Variants in CNTNAP3B observed in about 807,000 individuals in gnomAD.
CNTNAP3B encodes contactin associated protein family member 3B.
Under a neutral mutation model 108.9 loss-of-function variants are expected in CNTNAP3B, and 25 were observed. That is an observed-to-expected ratio of 0.23 (90% CI 0.17 to 0.32). CNTNAP3B has a LOEUF of 0.32. CNTNAP3B is among the 10% of genes least tolerant of loss of function. The probability of loss-of-function intolerance (pLI) is 1.00; values close to 1 mark genes in which losing one functional copy is unlikely to be tolerated. For missense variants in CNTNAP3B, 252 were observed against 1,210.4 expected, an observed-to-expected ratio of 0.21 and a Z score of 11.75; for synonymous variants, 103 against 473.4, an observed-to-expected ratio of 0.22 and a Z score of 10.16.
intron 4 of CNTNAP3B, among the ~76,000 whole-genome samples, chr9:42,001,613 A>AC (rs929294588): frequency 2.3e-5 from 3 of 131,880 alleles, no homozygotes; most frequent in African/African-American, 9.1e-5. Flanking sequence ...AATTAATGTC[A>AC]CTTATTATGT....
At chr9:41,990,866 C>G (rs1181022097) in intron 8 of CNTNAP3B, among the ~76,000 whole-genome samples, 2 of 138,794 alleles carry the variant, frequency 1.4e-5, no homozygotes, top group Admixed American at 7.2e-5. Context: ...GATTTGAGCC[C>G]CTAACCTAGC....
rs1342471819 is a variant in CNTNAP3B, at chr9:42,117,715, T to C, written c.85+11295A>G. On this transcript the variant is annotated intron_variant, in intron 1 of 23. Coordinates refer to ENST00000377561, the MANE Select transcript of CNTNAP3B (RefSeq NM_001201380.3). ...GGAAATAGAGACACAAAAAAACCCT[T>C]CAAAAAATCAATGAATCCAAGAGCT... Among the ~76,000 whole-genome samples the C allele has an allele frequency of 1.5e-5, 2 of 134,934 alleles. 1 individual carries two copies. Among genetic ancestry groups the C allele is most frequent in the Non-Finnish European group, 3.1e-5 (2 of 63,746 alleles). 88.5% of individuals were successfully genotyped at this position (134,934 alleles called of 152,430 possible).
chr9:41,966,353 T>C (rs1445726818), intron 10 of CNTNAP3B, among the ~76,000 whole-genome samples: 2 of 152,304 alleles, frequency 1.3e-5, no homozygotes, highest in East Asian at 1.9e-4. Flanking sequence ...ATTTAAGTGA[T>C]CTAGAGACTA....
At chr9:42,119,190 C>A (rs1433793345) in intron 1 of CNTNAP3B, among the ~76,000 whole-genome samples, 1 of 104,384 alleles carries the variant, frequency 9.6e-6, no homozygotes, top group African/African-American at 4.0e-5. Context: ...CAATAACAGA[C>A]AAACAGAGAG....
At chr9:41,948,074 T>A (rs1317455410) in intron 13 of CNTNAP3B, among the ~76,000 whole-genome samples, 4 of 151,704 alleles carry the variant, frequency 2.6e-5, no homozygotes, top group African/African-American at 9.7e-5. Flanking sequence ...ATTGGAGAAT[T>A]CTTTTTGTTT....
At chr9:41,945,689 A>C (rs1824512185) in intron 13 of CNTNAP3B, among the ~76,000 whole-genome samples, 2 of 152,308 alleles carry the variant, frequency 1.3e-5, no homozygotes, top group Non-Finnish European at 2.9e-5. Flanking sequence ...TGGGTGCAGC[A>C]CACCATTAAC....
At chr9:41,958,300 T>C (rs1824938313) in intron 12 of CNTNAP3B, among the ~76,000 whole-genome samples, 1 of 152,300 alleles carries the variant, frequency 6.6e-6, no homozygotes, top group Non-Finnish European at 1.5e-5. Flanking sequence ...CACAATGCTG[T>C]TTTGTTGTTG....
In CNTNAP3B at chr9:42,076,885, C is replaced by T. The variant is rs780360075; in HGVS notation, c.374G>A (p.Arg125Gln). 187 of 1,538,392 alleles carry T rather than the reference C, an allele frequency of 1.2e-4. 34 individuals carry two copies. In the East Asian group the frequency reaches 3.0e-3, roughly 24 times the overall value. Residue 125 changes from arginine to glutamine, a missense_variant, in exon 3 of 24, where the codon CGA (arginine) becomes CAA (glutamine). Physicochemically the swap from Arg to Gln is conservative, Grantham distance 43. Coordinates refer to ENST00000377561, the MANE Select transcript of CNTNAP3B (RefSeq NM_001201380.3). ...DGGRNWKQYR[R>Q]EESIWGFPGN... The stretch of plus-strand genomic sequence containing the variant: ...GAAACATACCCAGATGCTTTCTTCT[C>T]GGCGATACTGCTTCCAGTTTCTCCC...
chr9:41,940,974 A>G (rs1467293763), intron 13 of CNTNAP3B, among the ~76,000 whole-genome samples: 1 of 152,252 alleles, frequency 6.6e-6, no homozygotes. Context: ...AAAAGAGAAG[A>G]AATATGGATA....
In CNTNAP3B at chr9:42,127,964, G is replaced by T. The variant is rs1476182609; in HGVS notation, c.85+1046C>A. Among the ~76,000 whole-genome samples, 5 of 139,658 alleles carry T rather than the reference G, an allele frequency of 3.6e-5. 1 individual carries two copies. Among genetic ancestry groups the T allele is most frequent in the Non-Finnish European group, 7.7e-5 (5 of 65,112 alleles). The allele number at this position is 139,658 out of a possible 152,430, so 91.6% of individuals were successfully genotyped here. The stretch of plus-strand genomic sequence containing the variant: ...TCTAAATTTCCAAACATGGCCACTA[G>T]CATTTATTGGAACTTATTTCGAAAG... On this transcript the variant is annotated intron_variant, in intron 1 of 23. Transcript: ENST00000377561.
At chr9:41,942,251 A>G (rs1343329134) in intron 13 of CNTNAP3B, among the ~76,000 whole-genome samples, 7 of 152,144 alleles carry the variant, frequency 4.6e-5, no homozygotes, top group African/African-American at 1.2e-4. Flanking sequence ...CGAGGCGGGC[A>G]GATCATGAGG....
chr9:41,930,878 A>G (rs1385084441), intron 14 of CNTNAP3B, among the ~76,000 whole-genome samples: 2 of 152,338 alleles, frequency 1.3e-5, no homozygotes, highest in East Asian at 3.9e-4. Context: ...ATGTAACTGT[A>G]TATGTAATAA....
At chr9:41,934,227 T>A (rs1216843155) in intron 14 of CNTNAP3B, among the ~76,000 whole-genome samples, 2 of 145,778 alleles carry the variant, frequency 1.4e-5, no homozygotes, top group Non-Finnish European at 3.1e-5. Context: ...ACTTTTTTTT[T>A]TTTTTTTTTG....
intron 3 of CNTNAP3B, among the ~76,000 whole-genome samples, chr9:42,037,314 G>C (rs1481664385): frequency 9.4e-6 from 1 of 105,920 alleles, no homozygotes; most frequent in South Asian, 3.0e-4. Context: ...TCAGATGATC[G>C]ATAATAACAA....
chr9:42,056,326 T>TTTTATTTTTA (rs1554753495), intron 3 of CNTNAP3B, among the ~76,000 whole-genome samples: 1 of 129,128 alleles, frequency 7.7e-6, no homozygotes, highest in Non-Finnish European at 1.6e-5. Flanking sequence ...TCTCATGAAT[T>TTTTATTTTTA]TTATTATTAT....
intron 3 of CNTNAP3B, among the ~76,000 whole-genome samples, chr9:42,045,724 G>C (rs543819756): frequency 6.7e-6 from 1 of 148,584 alleles, no homozygotes; most frequent in Non-Finnish European, 1.5e-5. Context: ...AAACTGAGTT[G>C]GTCTAATGTC....
At position 41,922,445 on chromosome 9, in the gene CNTNAP3B, G is replaced by A. The variant is rs537052496; in HGVS notation, c.2755+232C>T. ...TGCACCACTGCACTCCAGCCTGGGCGACACAGTGAGACTCTGTCTGAAAAC... is the reference window on the plus strand; with the variant it reads ...TGCACCACTGCACTCCAGCCTGGGCAACACAGTGAGACTCTGTCTGAAAAC... On this transcript the variant is annotated intron_variant, in intron 17 of 23. Coordinates refer to ENST00000377561, the MANE Select transcript of CNTNAP3B (RefSeq NM_001201380.3). Among the ~76,000 whole-genome samples, 55 of 141,238 alleles carry A rather than the reference G, an allele frequency of 3.9e-4. 3 individuals are homozygous for A. The highest frequency in any genetic ancestry group is 1.3e-3 in the African/African-American group (47 of 35,824). The allele number at this position is 141,238 out of a possible 152,430, so 92.7% of individuals were successfully genotyped here.
At chr9:42,072,945 C>G (rs1277074928) in intron 3 of CNTNAP3B, among the ~76,000 whole-genome samples, 2 of 138,548 alleles carry the variant, frequency 1.4e-5, no homozygotes, top group Non-Finnish European at 3.1e-5. Context: ...TGCAATAAAA[C>G]ATATGAATAT....
At chr9:41,959,669 T>A in intron 12 of CNTNAP3B, among the ~76,000 whole-genome samples, 1 of 152,424 alleles carries the variant, frequency 6.6e-6, no homozygotes, top group East Asian at 1.9e-4. Context: ...CACATTGCTG[T>A]GCAGGTGGCT....
Sources: allele counts gnomAD v4.1 joint callset (sites outside exome capture counted in the v4.1 genomes callset), GRCh38; gene constraint gnomAD v4.1.1; transcripts MANE v1.5; gene names NCBI Gene and HGNC (gene_info 2026-07-23, HGNC 2026-07-21).